The following SOCS3 variants were observed in gnomAD, a reference collection of about 807,000 sequenced individuals.
The protein encoded by SOCS3 is suppressor of cytokine signaling 3.
Under a neutral mutation model 11.7 loss-of-function variants are expected in SOCS3, and 5 were observed. That is an observed-to-expected ratio of 0.43 (90% CI 0.22 to 0.90). The LOEUF (loss-of-function observed/expected upper bound fraction) is 0.90. Ranked by LOEUF, SOCS3 falls within the 40% of genes least tolerant of loss-of-function variation. The pLI is 0.27. For synonymous variants in SOCS3, 143 were observed against 136.3 expected, an observed-to-expected ratio of 1.05 and a Z score of -0.34; for missense variants, 203 against 302.0, an observed-to-expected ratio of 0.67 and a Z score of 2.43.
rs2280148 is a variant in SOCS3 at position 78,358,299 on chromosome 17, T to G, written c.*119A>C. On this transcript the variant is annotated 3_prime_UTR_variant, in exon 2 of 2. Transcript: ENST00000330871. The surrounding 1 kb of genome is among the most constrained non-coding windows in gnomAD (Gnocchi z 4.7). The stretch of plus-strand genomic sequence containing the variant: ...CAGAGGGAGGGGCCTGTCCGCCCTC[T>G]TTCCCCCCAGAGCTACAGGACTCTC... 0.031 allele frequency: 30,125 copies of G among 959,056 alleles called. 1,373 individuals carry two copies. The highest frequency in any genetic ancestry group is 0.2 in the East Asian group (7,593 of 38,822). 59.4% of individuals were successfully genotyped at this position (959,056 alleles called of 1,614,324 possible).
At position 78,359,129 on chromosome 17, in the gene SOCS3, C is replaced by G; in HGVS notation, c.-34G>C. Reference sequence around the variant, plus strand: ...GAGCCAGCGTGGATCTGCGCGGCGGCGGCTGCAGCTGCTTCGCGGCCTCCG... The same window carrying G: ...GAGCCAGCGTGGATCTGCGCGGCGGGGGCTGCAGCTGCTTCGCGGCCTCCG... On this transcript the variant is annotated 5_prime_UTR_variant, in exon 2 of 2. Transcript: ENST00000330871. The G allele has an allele frequency of 6.6e-7, 1 of 1,526,494 alleles. No homozygotes were observed. The highest frequency in any genetic ancestry group is 8.8e-7 in the Non-Finnish European group (1 of 1,134,952). 94.6% of individuals were successfully genotyped at this position (1,526,494 alleles called of 1,614,324 possible). A position where few individuals can be genotyped will look rare whatever the true frequency, so the allele number is the denominator to read the frequency against.
chr17:78,360,365 C>T (rs1430371270), upstream of SOCS3: 1 of 151,012 alleles, frequency 6.6e-6, no homozygotes, highest in Non-Finnish European at 1.5e-5. This position sits in a 1 kb window ranked among gnomAD's most constrained non-coding sequence, Gnocchi z 5.6. Context: ...CCCCTCCCCG[C>T]CGCGCGCTCC....
Position 78,360,055 on chromosome 17 carries a change from A to T in SOCS3, c.-394T>A, listed in dbSNP as rs2081599875. The T allele has an allele frequency of 5.3e-6, 1 of 189,820 alleles. No homozygotes were observed. The highest frequency in any genetic ancestry group is 1.0e-4 in the East Asian group (1 of 9,524). The allele number at this position is 189,820 out of a possible 1,614,324, so 11.8% of individuals were successfully genotyped here. ...TGCGGGGCCGAAGCGGCAGCAGCGG[A>T]GCAGGGAGTCCAAGTCGGAGCCGCC... On this transcript the variant is annotated 5_prime_UTR_variant, in exon 1 of 2. Transcript: ENST00000330871. This position sits in a 1 kb window ranked among gnomAD's most constrained non-coding sequence, Gnocchi z 5.6.
chr17:78,360,914 TG>T (rs1328812753), upstream of SOCS3: 1 of 152,338 alleles, frequency 6.6e-6, no homozygotes, highest in Non-Finnish European at 1.5e-5. This position sits in a 1 kb window ranked among gnomAD's most constrained non-coding sequence, Gnocchi z 5.6. Context: ...GAGCTCGAGG[TG>T]GAACGATGGC....
intron 1 of SOCS3, among the ~76,000 whole-genome samples, chr17:78,359,457 C>T (rs1030550042): frequency 6.6e-6 from 1 of 152,114 alleles, no homozygotes; most frequent in African/African-American, 2.4e-5. Context: ...GGAGTGTGGC[C>T]GGGTGGGGAG....
In SOCS3 at chr17:78,358,541, G is replaced by A. The variant is rs145006362; in HGVS notation, c.555C>T (p.Asn185=). Residue 185 remains asparagine, a synonymous_variant, in exon 2 of 2, where the codon AAC becomes AAT. Transcript: ENST00000330871. The surrounding 1 kb of genome is among the most constrained non-coding windows in gnomAD (Gnocchi z 4.7). ...PLVLSRPLSS[N]VATLQHLCRK... ...GACAGAGATGCTGAAGAGTGGCCAC[G>A]TTGGAGGAGAGGGGCCGGCTCAACA... 6.2e-7 allele frequency: 1 copy of A among 1,613,422 alleles called. No homozygotes were observed. The highest frequency in any genetic ancestry group is 1.3e-5 in the African/African-American group (1 of 74,892).
At position 78,359,039 on chromosome 17, in the gene SOCS3, G is replaced by A. The variant is rs1375413832; in HGVS notation, c.57C>T (p.Ser19=). 1 of 1,574,114 alleles carries A rather than the reference G, an allele frequency of 6.4e-7. No individual in the cohort carries two copies. Among genetic ancestry groups the A allele is most frequent in the Admixed American group, 1.8e-5 (1 of 54,522 alleles). Residue 19 remains serine (S), a synonymous_variant, in exon 2 of 2, where the codon AGC becomes AGT. Transcript: ENST00000330871. ...TGGAGCTGAAGGTCTTGAGGCGCAGGCTGGTGTCCAGGGGGCGGCTCATCC... is the reference window on the plus strand; with the variant it reads ...TGGAGCTGAAGGTCTTGAGGCGCAGACTGGTGTCCAGGGGGCGGCTCATCC... The part of the protein sequence containing the change: ...AAGMSRPLDT[S]LRLKTFSSKS...
rs778084342 is a variant in SOCS3, at chr17:78,358,951, T to A, written c.145A>T (p.Ser49Cys). ...TTCGCCTCGCCGCCGGTCACTGCGC[T>A]CCAGTAGAAGCCGCTCTCCTGCAGC... ...RKLQESGFYW[S>C]AVTGGEANLL... Residue 49 changes from serine (S) to cysteine (C), a missense_variant, in exon 2 of 2, where the codon AGC (serine) becomes TGC (cysteine). Coordinates refer to ENST00000330871, the MANE Select transcript of SOCS3 (RefSeq NM_003955.5). This position sits in a 1 kb window ranked among gnomAD's most constrained non-coding sequence, Gnocchi z 4.7. 1 of 1,586,634 alleles carries A rather than the reference T, an allele frequency of 6.3e-7. No homozygotes were observed. Among genetic ancestry groups the A allele is most frequent in the African/African-American group, 1.3e-5 (1 of 74,540 alleles).
rs2081584446 is a variant in SOCS3, at chr17:78,358,447, A to G, written c.649T>C (p.Phe217Leu). The change falls in exon 2 of 2, where the codon TTC (phenylalanine) becomes CTC (leucine). Residue 217 changes from phenylalanine to leucine, a missense_variant. Phe to Leu is a conservative substitution (Grantham distance 22). Coordinates refer to ENST00000330871, the MANE Select transcript of SOCS3 (RefSeq NM_003955.5). This position sits in a 1 kb window ranked among gnomAD's most constrained non-coding sequence, Gnocchi z 4.7. ...AGCGGGGCATCGTACTGGTCCAGGA[A>G]CTCCCGAATGGGCCCCGGCAGCTGG... The part of the protein sequence containing the change: ...VTQLPGPIRE[F>L]LDQYDAPL The G allele has an allele frequency of 3.7e-6, 6 of 1,613,384 alleles. No individual in the cohort carries two copies. In the South Asian group the frequency reaches 5.5e-5, roughly 15 times the overall value.
Position 78,358,452 on chromosome 17 carries a change from C to T in SOCS3, c.644G>A (p.Arg215Gln). ...EKVTQLPGPI[R>Q]EFLDQYDAPL Reference sequence around the variant, plus strand: ...GGCATCGTACTGGTCCAGGAACTCCCGAATGGGCCCCGGCAGCTGGGTGAC... The same window carrying T: ...GGCATCGTACTGGTCCAGGAACTCCTGAATGGGCCCCGGCAGCTGGGTGAC... Residue 215 changes from arginine to glutamine, a missense_variant, in exon 2 of 2, where the codon CGG becomes CAG. Physicochemically the swap from Arg to Gln is conservative, Grantham distance 43. This residue lies in a region of SOCS3 where 141 missense variants were observed against 200.5 expected (regional missense o/e 0.70). Coordinates refer to ENST00000330871, the MANE Select transcript of SOCS3 (RefSeq NM_003955.5). The surrounding 1 kb of genome is among the most constrained non-coding windows in gnomAD (Gnocchi z 4.7). 1.9e-6 allele frequency: 3 copies of T among 1,613,794 alleles called. No individual in the cohort carries two copies. Among genetic ancestry groups the T allele is most frequent in the Non-Finnish European group, 1.7e-6 (2 of 1,179,996 alleles).
At position 78,358,099 on chromosome 17, in the gene SOCS3, G is replaced by A; in HGVS notation, c.*319C>T. 5.4e-6 allele frequency: 2 copies of A among 372,994 alleles called. No homozygotes were observed. Among genetic ancestry groups the A allele is most frequent in the South Asian group, 3.6e-5 (1 of 27,502 alleles). 23.1% of individuals were successfully genotyped at this position (372,994 alleles called of 1,614,324 possible). ...TTCTCATTAGTTCAGCATTCCCGAAGTGTCCCCTGTTTGGAGGCAGAGGGG... is the reference window on the plus strand; with the variant it reads ...TTCTCATTAGTTCAGCATTCCCGAAATGTCCCCTGTTTGGAGGCAGAGGGG... On this transcript the variant is annotated 3_prime_UTR_variant, in exon 2 of 2. Coordinates refer to ENST00000330871, the MANE Select transcript of SOCS3 (RefSeq NM_003955.5). The surrounding 1 kb of genome is among the most constrained non-coding windows in gnomAD (Gnocchi z 4.7).
chr17:78,359,182 G>T lies in SOCS3; in HGVS notation c.-87C>A, dbSNP rs1270099413. The T allele has an allele frequency of 7.2e-7, 1 of 1,397,240 alleles. No individual in the cohort carries two copies. The highest frequency in any genetic ancestry group is 1.4e-5 in the South Asian group (1 of 73,218). The allele number at this position is 1,397,240 out of a possible 1,614,324, so 86.6% of individuals were successfully genotyped here. On this transcript the variant is annotated splice_region_variant and 5_prime_UTR_variant, in exon 2 of 2. Transcript: ENST00000330871. The stretch of plus-strand genomic sequence containing the variant: ...CAGCGGCCGCTACCGCATCCCGGGG[G>T]GCTGCGGAGAGGAAGGCGCGAGCGC...
chr17:78,357,956 C>G lies in SOCS3; in HGVS notation c.*462G>C, dbSNP rs933136858. On this transcript the variant is annotated 3_prime_UTR_variant, in exon 2 of 2. Coordinates refer to ENST00000330871, the MANE Select transcript of SOCS3 (RefSeq NM_003955.5). This position sits in a 1 kb window ranked among gnomAD's most constrained non-coding sequence, Gnocchi z 7.0. Reference sequence around the variant, plus strand: ...CCATTTCCTTCGCCAGCCCGCAGCCCTGGGGCCCTCAGGACCTCTCTCTCT... The same window carrying G: ...CCATTTCCTTCGCCAGCCCGCAGCCGTGGGGCCCTCAGGACCTCTCTCTCT... 2.4e-5 allele frequency: 4 copies of G among 167,456 alleles called. No individual in the cohort carries two copies. Among genetic ancestry groups the G allele is most frequent in the African/African-American group, 9.6e-5 (4 of 41,608 alleles). 10.4% of individuals were successfully genotyped at this position (167,456 alleles called of 1,614,324 possible).
intron 1 of SOCS3, 129 bp from the exon 2 acceptor site, chr17:78,359,312 C>A: frequency 2.4e-6 from 1 of 422,832 alleles, no homozygotes; most frequent in Middle Eastern, 6.3e-4. Flanking sequence ...CCTGGGCCCG[C>A]GCTCCGATCC....
chr17:78,360,269 C>G (rs1280981684), upstream of SOCS3, among the ~76,000 whole-genome samples: 1 of 150,778 alleles, frequency 6.6e-6, no homozygotes, highest in South Asian at 2.1e-4. The surrounding 1 kb of genome is among the most constrained non-coding windows in gnomAD (Gnocchi z 5.6). Flanking sequence ...CCGGGAGGGA[C>G]GCGCGCGGAG....
Position 78,358,048 on chromosome 17 carries a change from TG to T in SOCS3, c.*369del, listed in dbSNP as rs1195325249. ...AAATCAAAGAGCAAACAAGTTCCGT[TG>T]GAAAGTTTGAAGATTCCCTGGCAGT... On this transcript the variant is annotated 3_prime_UTR_variant, in exon 2 of 2. Transcript: ENST00000330871. The surrounding 1 kb of genome is among the most constrained non-coding windows in gnomAD (Gnocchi z 4.7). 1 of 231,538 alleles carries T rather than the reference TG, an allele frequency of 4.3e-6. No homozygotes were observed. The highest frequency in any genetic ancestry group is 8.6e-6 in the Non-Finnish European group (1 of 116,002). 14.3% of individuals were successfully genotyped at this position (231,538 alleles called of 1,614,324 possible). A position where few individuals can be genotyped will look rare whatever the true frequency, so the allele number is the denominator to read the frequency against.
rs4969169 is a variant in SOCS3, at chr17:78,357,829, T to C, written c.*589A>G. On this transcript the variant is annotated 3_prime_UTR_variant, in exon 2 of 2. Transcript: ENST00000330871. This position sits in a 1 kb window ranked among gnomAD's most constrained non-coding sequence, Gnocchi z 7.0. ...CTGTCCCGGAGGAGAGGATGTGGGG[T>C]ACCAGGATGGTTCCCTTCAGGTCAC... 0.92 allele frequency: 139,808 copies of C among 152,564 alleles called. 64,266 individuals are homozygous for C. The highest frequency in any genetic ancestry group is 0.95 in the Middle Eastern group (278 of 294). The allele number at this position is 152,564 out of a possible 1,614,324, so 9.5% of individuals were successfully genotyped here.
intron 1 of SOCS3, 135 bp from the exon 2 acceptor site, chr17:78,359,318 G>A: frequency 2.4e-6 from 1 of 414,246 alleles, no homozygotes; most frequent in Non-Finnish European, 4.2e-6. Flanking sequence ...CCCGCGCTCC[G>A]ATCCAGGCGC....
upstream of SOCS3, among the ~76,000 whole-genome samples, chr17:78,360,279 G>A (rs1315782064): frequency 6.6e-6 from 1 of 150,854 alleles, no homozygotes; most frequent in African/African-American, 2.4e-5. This position sits in a 1 kb window ranked among gnomAD's most constrained non-coding sequence, Gnocchi z 5.6. Flanking sequence ...CGCGCGCGGA[G>A]ACAAAGCGCG....
Sources: allele counts gnomAD v4.1 joint callset (sites outside exome capture counted in the v4.1 genomes callset), GRCh38; gene constraint gnomAD v4.1.1; regional missense constraint gnomAD v4.1.1; non-coding constraint Gnocchi (gnomAD v3.1); transcripts MANE v1.5; gene names NCBI Gene and HGNC (gene_info 2026-07-23, HGNC 2026-07-21).